CPT1C: variants seen among roughly 807,000 people sequenced by gnomAD.
CPT1C encodes the protein palmitoyl thioesterase CPT1C.
CPT1C carries 61 observed loss-of-function variants against 97.3 expected under a neutral mutation model. The observed-to-expected ratio is 0.63, with a 90% CI of 0.51 to 0.78. The LOEUF (loss-of-function observed/expected upper bound fraction) is 0.78. Among genes scored for constraint, CPT1C ranks in the 30% least tolerant of loss-of-function variants. The pLI is 0.00. For missense variants in CPT1C, 975 were observed against 1,065.5 expected (o/e 0.92, Z 1.18); for synonymous variants, 469 against 447.2 (o/e 1.05, Z -0.61).
At chr19:49,694,573 G>A (rs1396262245) in intron 3 of CPT1C, among the ~76,000 whole-genome samples, 1 of 149,516 alleles carries the variant, frequency 6.7e-6, no homozygotes, top group Non-Finnish European at 1.5e-5. Context: ...AGATTGCAGT[G>A]AGCCAAGATT....
chr19:49,709,622 T>A (rs904502179), intron 14 of CPT1C, among the ~76,000 whole-genome samples: 4 of 150,740 alleles, frequency 2.7e-5, no homozygotes, highest in African/African-American at 9.8e-5. Flanking sequence ...TGACACGATC[T>A]CAGTTCACTG....
At chr19:49,699,185 A>G (rs1046341997) in intron 4 of CPT1C, among the ~76,000 whole-genome samples, 1 of 151,956 alleles carries the variant, frequency 6.6e-6, no homozygotes, top group Admixed American at 6.6e-5. Flanking sequence ...CATTATTTTT[A>G]TTGAGTTATT....
Position 49,704,746 on chromosome 19 carries a change from TC to T in CPT1C, c.733del (p.Arg245GlufsTer4). 1 of 1,613,840 alleles carries T rather than the reference TC, an allele frequency of 6.2e-7. No individual in the cohort carries two copies. Among genetic ancestry groups the T allele is most frequent in the African/African-American group, 1.3e-5 (1 of 74,914 alleles). On this transcript the variant is annotated frameshift_variant, in exon 8 of 20. Transcript: ENST00000598293. LOFTEE classifies it high-confidence loss of function. Reference sequence around the variant, plus strand: ...GTGGGAGGAATTTGTGTACCTGCGCTCCCGAAATCCGCTGATGGTGAACAGC... The same window carrying T: ...GTGGGAGGAATTTGTGTACCTGCGCTCCGAAATCCGCTGATGGTGAACAGC... ...DWWEEFVYLR[S>X]RNPLMVNSNY... is the part of the protein sequence containing the mutation.
chr19:49,696,105 G>C (rs1481075476), intron 3 of CPT1C, among the ~76,000 whole-genome samples: 1 of 152,102 alleles, frequency 6.6e-6, no homozygotes, highest in Non-Finnish European at 1.5e-5. Context: ...TGGAATGCCT[G>C]ACCTCAGGTG....
chr19:49,702,659 A>G (rs1377244819), intron 7 of CPT1C, among the ~76,000 whole-genome samples: 1 of 151,410 alleles, frequency 6.6e-6, no homozygotes, highest in Non-Finnish European at 1.5e-5. Flanking sequence ...AGACAAAACC[A>G]AAGGAGTTGA....
intron 7 of CPT1C, among the ~76,000 whole-genome samples, chr19:49,704,265 C>G (rs1017214694): frequency 1.3e-5 from 2 of 152,058 alleles, no homozygotes; most frequent in African/African-American, 4.8e-5. Context: ...TCTGCCTCCC[C>G]GACTCAAGCG....
chr19:49,691,965 G>A (rs1041793112), intron 2 of CPT1C, 76 bp downstream of exon 2: 13 of 425,798 alleles, frequency 3.1e-5, no homozygotes, highest in Non-Finnish European at 3.8e-5. Flanking sequence ...TGAGATCCCG[G>A]GTCTGAGGGA....
In CPT1C at chr19:49,706,817, C is replaced by T. The variant is rs185920613; in HGVS notation, c.1343+404C>T. On this transcript the variant is annotated intron_variant, in intron 12 of 19. Coordinates refer to ENST00000598293, the MANE Select transcript of CPT1C (RefSeq NM_001199753.2). The surrounding 1 kb of genome is among the most constrained non-coding windows in gnomAD (Gnocchi z 4.8). ...AACTTGAACCATTCAATCCTCAGGC[C>T]TTAATGCAGGCACCCCAAATCCATG... Among the ~76,000 whole-genome samples the T allele has an allele frequency of 1.1e-3, 164 of 152,200 alleles. No homozygotes were observed. Among genetic ancestry groups the T allele is most frequent in the African/African-American group, 3.8e-3 (156 of 41,532 alleles).
intron 15 of CPT1C, 104 bp from the exon 16 acceptor site, chr19:49,710,619 T>C (rs1374438292): frequency 7.0e-6 from 11 of 1,565,438 alleles, no homozygotes; most frequent in Non-Finnish European, 9.7e-6. Context: ...CCAACCATTC[T>C]TGGGCTGGCT....
chr19:49,697,471 G>T lies in CPT1C; in HGVS notation c.281+6G>T. ...AAAGAGTTGCTGCCTGACTGGTGAGGTCCCCCCACTCCAGCCCAGTAACCC... is the reference window on the plus strand; with the variant it reads ...AAAGAGTTGCTGCCTGACTGGTGAGTTCCCCCCACTCCAGCCCAGTAACCC... On this transcript the variant is annotated splice_donor_region_variant and intron_variant, in intron 4 of 19. Transcript: ENST00000598293. The T allele has an allele frequency of 6.2e-7, 1 of 1,613,316 alleles. No individual in the cohort carries two copies. Among genetic ancestry groups the T allele is most frequent in the East Asian group, 2.2e-5 (1 of 44,834 alleles).
At chr19:49,710,178 T>C in intron 14 of CPT1C, 142 bp from the exon 15 acceptor site, 2 of 791,790 alleles carry the variant, frequency 2.5e-6, no homozygotes, top group Non-Finnish European at 4.1e-6. Flanking sequence ...CATCCTTCAA[T>C]TCTCTTCTCT....
At chr19:49,702,086 TATTTATTTA>T (rs2083178275) in intron 7 of CPT1C, among the ~76,000 whole-genome samples, 1 of 112,368 alleles carries the variant, frequency 8.9e-6, no homozygotes, top group African/African-American at 3.5e-5. Context: ...TATAAATATA[TATTTATTTA>T]TAAATTATAA....
intron 5 of CPT1C, 88 bp downstream of exon 5, chr19:49,700,943 G>A: frequency 7.1e-7 from 1 of 1,412,540 alleles, no homozygotes; most frequent in Non-Finnish European, 9.8e-7. Flanking sequence ...CCTCTCTCTG[G>A]GTCTCTGTCC....
chr19:49,702,572 A>T lies in CPT1C; in HGVS notation c.693+938A>T, dbSNP rs144537384. ...GAGGCAGAGGTGGCACTGAACTGAG[A>T]TCGCGCCACTGCACTTCGGCCTGGG... On this transcript the variant is annotated intron_variant, in intron 7 of 19. Coordinates refer to ENST00000598293, the MANE Select transcript of CPT1C (RefSeq NM_001199753.2). 7.8e-3 allele frequency among the ~76,000 whole-genome samples: 1,187 copies of T among 151,500 alleles called. 6 individuals carry two copies. The highest frequency in any genetic ancestry group is 0.037 in the Middle Eastern group (11 of 294).
chr19:49,700,252 C>T (rs1014421192), intron 4 of CPT1C, among the ~76,000 whole-genome samples: 1 of 102,566 alleles, frequency 9.7e-6, no homozygotes, highest in African/African-American at 4.8e-5. Context: ...ATCCCAAAAA[C>T]AAAACAAAAC....
Position 49,711,812 on chromosome 19 carries a change from C to G in CPT1C, c.1870C>G (p.Pro624Ala). The change falls in exon 17 of 20, where the codon CCA becomes GCA. Residue 624 changes from proline (P) to alanine (A), a missense_variant. Transcript: ENST00000598293. ...GTGACCTCCCTGGGGACTGCAGGAC[C>G]CACAGTGCCTCGCCCTGTTCCGCGT... ...RAMEDKEKTD[P>A]QCLALFRVAV... 6.2e-7 allele frequency: 1 copy of G among 1,610,392 alleles called. No homozygotes were observed.
At chr19:49,701,064 C>T (rs73062018) in intron 5 of CPT1C, among the ~76,000 whole-genome samples, 5,782 of 80,286 alleles carry the variant, frequency 0.072, 326 homozygotes, top group Non-Finnish European at 0.1. Flanking sequence ...TCTGTGTCTC[C>T]GTCCCCCCCT....
In CPT1C at chr19:49,706,383, A is replaced by G. The variant is rs2083501328; in HGVS notation, c.1313A>G (p.His438Arg). 3 of 1,507,296 alleles carry G rather than the reference A, an allele frequency of 2.0e-6. No individual in the cohort carries two copies. The highest frequency in any genetic ancestry group is 8.8e-7 in the Non-Finnish European group (1 of 1,135,398). The allele number at this position is 1,507,296 out of a possible 1,614,324, so 93.4% of individuals were successfully genotyped here. A position where few individuals can be genotyped will look rare whatever the true frequency, so the allele number is the denominator to read the frequency against. Reference protein sequence around the residue: ...DPAASLDAYAHALLAGRGHDR... With the variant: ...DPAASLDAYARALLAGRGHDR... ...GCAGCGTCGTTGGATGCCTACGCCCATGCTCTGCTGGCCGGCCGGGGCCAT... is the reference window on the plus strand; with the variant it reads ...GCAGCGTCGTTGGATGCCTACGCCCGTGCTCTGCTGGCCGGCCGGGGCCAT... The change falls in exon 12 of 20, where the codon CAT (histidine) becomes CGT (arginine). Residue 438 changes from histidine (H) to arginine (R), a missense_variant. His to Arg is a conservative substitution (Grantham distance 29). Coordinates refer to ENST00000598293, the MANE Select transcript of CPT1C (RefSeq NM_001199753.2). This position sits in a 1 kb window ranked among gnomAD's most constrained non-coding sequence, Gnocchi z 4.8.
intron 19 of CPT1C, 27 bp downstream of exon 19, chr19:49,713,091 C>T (rs758267606): frequency 1.1e-5 from 17 of 1,575,470 alleles, no homozygotes; most frequent in Admixed American, 1.7e-5. Flanking sequence ...TACCCACCAA[C>T]TCCCTCTTTC....
Sources: gnomAD v4.1 joint callset for allele counts (sites outside exome capture counted in the v4.1 genomes callset) on GRCh38, gnomAD v4.1.1 for gene constraint, Gnocchi (gnomAD v3.1) non-coding constraint, MANE v1.5 for transcripts, NCBI Gene and HGNC (gene_info 2026-07-23, HGNC 2026-07-21) for gene names.